Variants in FRMPD4 observed in about 807,000 individuals in gnomAD.
The protein encoded by FRMPD4 is FERM and PDZ domain containing 4, also known as FERM and PDZ domain-containing protein 4.
A neutral mutation model predicts 94.1 loss-of-function variants in FRMPD4; 22 were observed. The ratio of observed to expected loss-of-function variants is 0.23; its 90% CI spans 0.17 to 0.33. The LOEUF (loss-of-function observed/expected upper bound fraction) is 0.33, where lower values mean the gene tolerates loss of function less well. Ranked by LOEUF, FRMPD4 falls within the 10% of genes least tolerant of loss-of-function variation. The pLI is 1.00. For synonymous variants in FRMPD4, 631 were observed against 548.6 expected (o/e 1.15, Z -2.10); for missense variants, 1,111 against 1,339.9 (o/e 0.83, Z 2.67).
chrX:12,441,343 C>T (rs2148122486), intron 1 of FRMPD4, among the ~76,000 whole-genome samples: 1 of 112,655 alleles, frequency 8.9e-6, no homozygotes, highest in African/African-American at 3.2e-5. Flanking sequence ...GCTGTCTCTG[C>T]TGCTTGGCCT....
chrX:12,715,997 A>AGCGTGG, intron 14 of FRMPD4, 72 bp from the exon 15 acceptor site: 1 of 387,127 alleles, frequency 2.6e-6, no homozygotes, highest in East Asian at 4.3e-5. Context: ...AACAGAGACG[A>AGCGTGG]GCCTCCCACC....
chrX:12,631,744 T>C (rs908783020), intron 4 of FRMPD4, among the ~76,000 whole-genome samples: 1 of 112,480 alleles, frequency 8.9e-6, no homozygotes, highest in Non-Finnish European at 1.9e-5. Context: ...ATTTTTCAAA[T>C]GTCTCCATCA....
chrX:12,662,205 T>G (rs1354721443), intron 4 of FRMPD4, among the ~76,000 whole-genome samples: 1 of 111,318 alleles, frequency 9.0e-6, no homozygotes, highest in East Asian at 2.8e-4. Flanking sequence ...TTTTCTTTTT[T>G]AATATTTTTA....
intron 2 of FRMPD4, among the ~76,000 whole-genome samples, chrX:12,535,186 T>G (rs2058325626): frequency 1.8e-5 from 2 of 111,910 alleles, no homozygotes; most frequent in African/African-American, 6.5e-5. Context: ...CCATGTCTCT[T>G]GTCTTCTCTT....
rs777229279 is a variant in FRMPD4, at chrX:12,056,711, C to T, written c.95+178693C>T. Among the ~76,000 whole-genome samples, 30 of 111,678 alleles carry T rather than the reference C, an allele frequency of 2.7e-4. 1 individual carries two copies. Among genetic ancestry groups the T allele is most frequent in the Non-Finnish European group, 5.3e-4 (28 of 53,091 alleles). Reference sequence around the variant, plus strand: ...TGTACTGTAACTGTTACAACTATTTCATTTAATAAAATATAGATGTGTCCA... The same window carrying T: ...TGTACTGTAACTGTTACAACTATTTTATTTAATAAAATATAGATGTGTCCA... On this transcript the variant is annotated intron_variant, in intron 3 of 18. Coordinates refer to the FRMPD4 transcript ENST00000640291.
chrX:12,374,039 G>A (rs2056198682), intron 1 of FRMPD4, among the ~76,000 whole-genome samples: 1 of 111,734 alleles, frequency 8.9e-6, no homozygotes, highest in African/African-American at 3.3e-5. Context: ...TTTCCCCAAA[G>A]CCTTAAATTC....
At chrX:11,898,331 G>C (rs753054779) in intron 3 of FRMPD4, among the ~76,000 whole-genome samples, 81 of 111,781 alleles carry the variant, frequency 7.2e-4, no homozygotes, top group African/African-American at 2.6e-3. Flanking sequence ...GCACTCACTT[G>C]GTCTGTCCCA....
intron 3 of FRMPD4, among the ~76,000 whole-genome samples, chrX:12,010,930 G>C (rs2054577455): frequency 8.9e-6 from 1 of 112,041 alleles, no homozygotes; most frequent in Non-Finnish European, 1.9e-5. Flanking sequence ...TGGAAACATG[G>C]AGAAGATATT....
chrX:11,995,403 A>G (rs1484930368), intron 3 of FRMPD4, among the ~76,000 whole-genome samples: 1 of 110,692 alleles, frequency 9.0e-6, no homozygotes, highest in Non-Finnish European at 1.9e-5. Context: ...TTGTCATTCC[A>G]ATCGTTCCCA....
chrX:12,484,041 T>C (rs1227093460), intron 1 of FRMPD4, among the ~76,000 whole-genome samples: 1 of 111,567 alleles, frequency 9.0e-6, no homozygotes, highest in African/African-American at 3.3e-5. Context: ...AGTAAGTGAA[T>C]GAAATGCTGA....
chrX:12,237,512 T>G (rs771197221), intron 1 of FRMPD4, among the ~76,000 whole-genome samples: 1 of 112,474 alleles, frequency 8.9e-6, no homozygotes, highest in South Asian at 3.7e-4. Flanking sequence ...TGCCAACATA[T>G]TCTATTTGCT....
Position 11,843,093 on chromosome X carries a change from C to T in FRMPD4, c.-161+20378C>T, listed in dbSNP as rs2053548522. Among the ~76,000 whole-genome samples, 5 of 111,954 alleles carry T rather than the reference C, an allele frequency of 4.5e-5. No homozygotes were observed. In the South Asian group the frequency reaches 1.5e-3, roughly 33 times the overall value. On this transcript the variant is annotated intron_variant, in intron 1 of 18. Transcript: ENST00000640291. Reference sequence around the variant, plus strand: ...TGTCCTTTATTCTATTATTATGGTGCATGAAATTAGTTGATTTCCAACATG... The same window carrying T: ...TGTCCTTTATTCTATTATTATGGTGTATGAAATTAGTTGATTTCCAACATG...
At chrX:12,149,270 G>T (rs1024912448) in intron 1 of FRMPD4, 1 of 112,268 alleles carries the variant, frequency 8.9e-6, no homozygotes, top group Non-Finnish European at 1.9e-5. Context: ...GGTTATAGCT[G>T]CTATAGAGAG....
intron 1 of FRMPD4, among the ~76,000 whole-genome samples, chrX:12,268,267 A>G (rs1036931458): frequency 8.9e-6 from 1 of 112,656 alleles, no homozygotes; most frequent in African/African-American, 3.2e-5. Context: ...GCTGAAAAAC[A>G]CAGCCTACCT....
chrX:12,355,516 G>A (rs1295488172), intron 1 of FRMPD4, among the ~76,000 whole-genome samples: 2 of 112,076 alleles, frequency 1.8e-5, no homozygotes, highest in African/African-American at 3.2e-5. Context: ...GCACTTCCAC[G>A]TTCTGTAGTT....
At chrX:12,146,228 G>A (rs1738224153) in intron 1 of FRMPD4, among the ~76,000 whole-genome samples, 1 of 110,495 alleles carries the variant, frequency 9.1e-6, no homozygotes, top group African/African-American at 3.3e-5. Context: ...GCCGGGCGTG[G>A]TGGCGGGCGC....
chrX:12,057,422 C>T (rs775438647), intron 3 of FRMPD4, among the ~76,000 whole-genome samples: 4 of 110,690 alleles, frequency 3.6e-5, no homozygotes, highest in Non-Finnish European at 7.6e-5. Context: ...AAAATTGCCC[C>T]CCTTTCACCA....
intron 2 of FRMPD4, among the ~76,000 whole-genome samples, chrX:12,535,332 G>A (rs760800454): frequency 9.0e-5 from 10 of 111,534 alleles, no homozygotes; most frequent in Non-Finnish European, 5.6e-5. Flanking sequence ...TATCAGCAGC[G>A]TGAAAATGGA....
At chrX:12,685,959 A>G in intron 6 of FRMPD4, 138 bp from the exon 7 acceptor site, 2 of 340,838 alleles carry the variant, frequency 5.9e-6, no homozygotes, top group Non-Finnish European at 1.1e-5. Flanking sequence ...ATATCACCAA[A>G]GGAATGCCTT....
Sources: gnomAD v4.1 joint callset for allele counts (sites outside exome capture counted in the v4.1 genomes callset) on GRCh38, gnomAD v4.1.1 for gene constraint, MANE v1.5 for transcripts, NCBI Gene and HGNC (gene_info 2026-07-23, HGNC 2026-07-21) for gene names.